Variants in PKHD1 observed in about 807,000 individuals in gnomAD.
The protein encoded by PKHD1 is fibrocystin.
Under a neutral mutation model 412.0 loss-of-function variants are expected in PKHD1, and 291 were observed. That is an observed-to-expected ratio of 0.71 (90% CI 0.64 to 0.78). The LOEUF is 0.78. Ranked by LOEUF, PKHD1 falls within the 30% of genes least tolerant of loss-of-function variation. The pLI is 0.00. For missense variants in PKHD1, 4,825 were observed against 4,950.7 expected (o/e 0.97, Z 0.76); for synonymous variants, 1,777 against 1,821.5 (o/e 0.98, Z 0.62).
intron 36 of PKHD1, among the ~76,000 whole-genome samples, chr6:51,952,455 G>T (rs1179918220): frequency 6.6e-6 from 1 of 152,108 alleles, no homozygotes; most frequent in Non-Finnish European, 1.5e-5. Context: ...ATAAAATGGT[G>T]CTGGCAACAC....
intron 35 of PKHD1, among the ~76,000 whole-genome samples, chr6:51,996,307 T>C (rs1158156597): frequency 6.6e-6 from 1 of 151,500 alleles, no homozygotes; most frequent in Admixed American, 6.6e-5. Context: ...CCGCTCCCAG[T>C]TGGGAAGTTT....
chr6:51,740,035 T>C (rs1192691549), intron 60 of PKHD1: 1 of 518,810 alleles, frequency 1.9e-6, no homozygotes, highest in Admixed American at 1.9e-5. Flanking sequence ...TGATTTTGAA[T>C]GTTCAGATCA....
intron 27 of PKHD1, among the ~76,000 whole-genome samples, chr6:52,038,876 T>C (rs1041345507): frequency 6.6e-6 from 1 of 152,128 alleles, no homozygotes; most frequent in African/African-American, 2.4e-5. Context: ...TAACAATAAA[T>C]ATAAACTGGA....
At chr6:51,908,225 C>T (rs144572108) in intron 40 of PKHD1, among the ~76,000 whole-genome samples, 211 of 152,218 alleles carry the variant, frequency 1.4e-3, no homozygotes, top group African/African-American at 4.4e-3. Context: ...AAGAAATAGA[C>T]GTCCTTAGCA....
At chr6:51,692,877 T>C (rs758080857) in intron 60 of PKHD1, among the ~76,000 whole-genome samples, 1 of 152,200 alleles carries the variant, frequency 6.6e-6, no homozygotes, top group Non-Finnish European at 1.5e-5. Context: ...AGTAATGTTA[T>C]TAGAGGCCTT....
In PKHD1 at chr6:52,024,729, C is replaced by A; in HGVS notation, c.5081G>T (p.Gly1694Val). Residue 1694 changes from glycine to valine, a missense_variant, in exon 32 of 67, where the codon GGT (glycine) becomes GTT (valine). Gly to Val is a moderately radical substitution (Grantham distance 109). Coordinates refer to ENST00000371117, the MANE Select transcript of PKHD1 (RefSeq NM_138694.4). ...AAGAACGGTGTGGTTACCAGAGACA[C>A]CCACACAGGGTGACATTCCTATAAA... ...DIFIGMSPCVGVSGNHTVLQC... is the reference protein window; with the variant it reads ...DIFIGMSPCVVVSGNHTVLQC... 6.2e-7 allele frequency: 1 copy of A among 1,614,172 alleles called. No homozygotes were observed. The highest frequency in any genetic ancestry group is 8.5e-7 in the Non-Finnish European group (1 of 1,180,012).
At chr6:51,662,525 T>G (rs1484147892) in intron 60 of PKHD1, among the ~76,000 whole-genome samples, 2 of 151,814 alleles carry the variant, frequency 1.3e-5, no homozygotes, top group Non-Finnish European at 2.9e-5. Flanking sequence ...CGTCAAAAAT[T>G]TTTTAAGGAA....
chr6:52,049,317 T>C (rs896744308), intron 22 of PKHD1, among the ~76,000 whole-genome samples: 36 of 152,208 alleles, frequency 2.4e-4, no homozygotes, highest in Non-Finnish European at 7.3e-5. Context: ...CAAACATATC[T>C]AAACATACAA....
At chr6:51,997,415 G>A (rs1021066027) in intron 35 of PKHD1, among the ~76,000 whole-genome samples, 2 of 152,068 alleles carry the variant, frequency 1.3e-5, no homozygotes, top group African/African-American at 4.8e-5. Flanking sequence ...TTTCCCTTGT[G>A]ATTTAAGTCT....
At chr6:51,992,375 T>C (rs969556114) in intron 35 of PKHD1, among the ~76,000 whole-genome samples, 23 of 152,354 alleles carry the variant, frequency 1.5e-4, no homozygotes, top group South Asian at 4.1e-4. Flanking sequence ...ACATACTTGG[T>C]TGTTTCATTT....
At chr6:51,856,136 A>T (rs550573417) in intron 48 of PKHD1, 66 bp from the exon 49 acceptor site, 1 of 931,730 alleles carries the variant, frequency 1.1e-6, no homozygotes. Context: ...AATCCAATAC[A>T]TTCCTCTTTC....
intron 34 of PKHD1, among the ~76,000 whole-genome samples, chr6:52,014,082 C>G (rs764595863): frequency 2.6e-5 from 4 of 152,198 alleles, no homozygotes; most frequent in African/African-American, 4.8e-5. Context: ...AATCCAAACT[C>G]TTTACTTTGG....
chr6:51,767,765 C>G, intron 55 of PKHD1, among the ~76,000 whole-genome samples: 1 of 152,206 alleles, frequency 6.6e-6, no homozygotes, highest in East Asian at 1.9e-4. Flanking sequence ...TGAATAGTGC[C>G]GCAATTAACA....
chr6:51,788,381 G>A (rs1793211487), intron 53 of PKHD1, among the ~76,000 whole-genome samples: 5 of 151,730 alleles, frequency 3.3e-5, no homozygotes, highest in East Asian at 1.9e-4. Flanking sequence ...CCTACCCAGT[G>A]CCCCAGGATG....
chr6:51,632,816 T>G, intron 64 of PKHD1, 93 bp from the exon 65 acceptor site: 1 of 944,804 alleles, frequency 1.1e-6, no homozygotes, highest in Non-Finnish European at 1.7e-6. Context: ...CATAATAGTA[T>G]CTGGGATATA....
intron 51 of PKHD1, among the ~76,000 whole-genome samples, chr6:51,832,962 C>T (rs186921389): frequency 6.6e-6 from 1 of 152,240 alleles, no homozygotes; most frequent in East Asian, 1.9e-4. Flanking sequence ...CAGTAAGAGG[C>T]TTTATAAATA....
intron 36 of PKHD1, among the ~76,000 whole-genome samples, chr6:51,952,004 T>C (rs1319205209): frequency 6.6e-6 from 1 of 152,204 alleles, no homozygotes; most frequent in Non-Finnish European, 1.5e-5. Flanking sequence ...TTCAGTAGCA[T>C]TTTTCATGTT....
Position 51,619,220 on chromosome 6 carries a change from T to C in PKHD1, c.12086A>G (p.Gln4029Arg). The C allele has an allele frequency of 6.2e-7, 1 of 1,614,268 alleles. No individual in the cohort carries two copies. Among genetic ancestry groups the C allele is most frequent in the Non-Finnish European group, 8.5e-7 (1 of 1,180,042 alleles). Residue 4029 changes from glutamine to arginine, a missense_variant, in exon 67 of 67, where the codon CAG becomes CGG. Physicochemically the swap from Gln to Arg is conservative, Grantham distance 43. Transcript: ENST00000371117. ...CAGCCGACTTTGCCCTGGCAACTGC[T>C]GCCTCTCTTGTCTGAAGTCTGGGCA... Reference protein sequence around the residue: ...LLCPDFRQERQQLPGQSRLSK... With the variant: ...LLCPDFRQERRQLPGQSRLSK...
intron 60 of PKHD1, among the ~76,000 whole-genome samples, chr6:51,693,217 T>A (rs1375377687): frequency 6.6e-6 from 1 of 152,230 alleles, no homozygotes; most frequent in Non-Finnish European, 1.5e-5. Context: ...ATAACAGAAC[T>A]GTATTCTCAG....
Sources: allele counts gnomAD v4.1 joint callset (sites outside exome capture counted in the v4.1 genomes callset), GRCh38; gene constraint gnomAD v4.1.1; transcripts MANE v1.5; gene names NCBI Gene and HGNC (gene_info 2026-07-23, HGNC 2026-07-21).